The following MYO1E variants were observed in gnomAD, a reference collection of about 807,000 sequenced individuals.
MYO1E encodes the protein unconventional myosin-Ie.
A neutral mutation model predicts 151.1 loss-of-function variants in MYO1E; 68 were observed. The ratio of observed to expected loss-of-function variants is 0.45; its 90% CI spans 0.37 to 0.55. MYO1E has a LOEUF of 0.55. Ranked by LOEUF, MYO1E falls within the 20% of genes least tolerant of loss-of-function variation. MYO1E has a pLI of 0.00. For synonymous variants in MYO1E, 601 were observed against 501.7 expected, an observed-to-expected ratio of 1.20 and a Z score of -2.64; for missense variants, 1,363 against 1,389.3, an observed-to-expected ratio of 0.98 and a Z score of 0.30.
At chr15:59,252,689 TG>T (rs2080172005) in intron 4 of MYO1E, among the ~76,000 whole-genome samples, 1 of 146,556 alleles carries the variant, frequency 6.8e-6, no homozygotes, top group Non-Finnish European at 1.5e-5. Flanking sequence ...CACTCCAGCC[TG>T]GGCGACAGAG....
chr15:59,372,005 C>T (rs1200820860), intron 1 of MYO1E, among the ~76,000 whole-genome samples: 1 of 149,812 alleles, frequency 6.7e-6, no homozygotes, highest in Non-Finnish European at 1.5e-5. Context: ...GCTGCGGGCG[C>T]TGCCGGGCAG....
intron 1 of MYO1E, among the ~76,000 whole-genome samples, chr15:59,292,211 T>A (rs970794003): frequency 6.6e-6 from 1 of 152,180 alleles, no homozygotes; most frequent in Non-Finnish European, 1.5e-5. Context: ...AAGAAAAAAA[T>A]CTATGATAGT....
At chr15:59,240,157 A>G (rs1291875231) in intron 4 of MYO1E, among the ~76,000 whole-genome samples, 1 of 152,250 alleles carries the variant, frequency 6.6e-6, no homozygotes, top group Admixed American at 6.5e-5. Flanking sequence ...CTGGCAGTCT[A>G]TCAGAATCGT....
intron 17 of MYO1E, 148 bp from the exon 18 acceptor site, chr15:59,188,364 CCT>C: frequency 1.4e-6 from 1 of 708,960 alleles, no homozygotes; most frequent in Non-Finnish European, 2.6e-6. Context: ...ACTGAGCTGA[CCT>C]CTCAGATGAC....
chr15:59,223,704 C>T (rs774398445), intron 8 of MYO1E, among the ~76,000 whole-genome samples: 5 of 152,156 alleles, frequency 3.3e-5, no homozygotes, highest in Non-Finnish European at 7.4e-5. Flanking sequence ...GCAAAAGGAT[C>T]TTAATGAAAA....
intron 1 of MYO1E, among the ~76,000 whole-genome samples, chr15:59,293,975 A>C (rs1268383808): frequency 6.6e-6 from 1 of 152,058 alleles, no homozygotes; most frequent in African/African-American, 2.4e-5. Context: ...CTGAGAAGTC[A>C]AAGCTGCAGT....
chr15:59,216,684 A>G (rs1179447304), intron 10 of MYO1E, among the ~76,000 whole-genome samples: 7 of 6,890 alleles, frequency 1.0e-3, no homozygotes, highest in Admixed American at 1.9e-3. Context: ...ATATATATAT[A>G]TACACATACA....
chr15:59,184,284 G>A (rs2079682395), intron 18 of MYO1E, among the ~76,000 whole-genome samples: 1 of 152,160 alleles, frequency 6.6e-6, no homozygotes, highest in Admixed American at 6.5e-5. Context: ...TGGGATAACA[G>A]GTGGGAGCCA....
rs2079493862 is a variant in MYO1E at position 59,153,633 on chromosome 15, C to T, written c.3037G>A (p.Glu1013Lys). 6.2e-7 allele frequency: 1 copy of T among 1,614,182 alleles called. No individual in the cohort carries two copies. The highest frequency in any genetic ancestry group is 8.5e-7 in the Non-Finnish European group (1 of 1,180,028). Reference protein sequence around the residue: ...TSSDRVSQTPESLDFLKVPDQ... With the variant: ...TSSDRVSQTPKSLDFLKVPDQ... ...GGGACCTTGAGGAAATCCAGGCTCT[C>T]TGGCGTCTGTGACACTCGGTCTGAA... is the stretch of plus-strand genomic sequence containing the variant. The change falls in exon 26 of 28, where the codon GAG becomes AAG. Residue 1013 changes from glutamate to lysine, a missense_variant. Physicochemically the swap from Glu to Lys is moderately conservative, Grantham distance 56 (BLOSUM62 1). Transcript: ENST00000288235.
intron 1 of MYO1E, among the ~76,000 whole-genome samples, chr15:59,315,703 T>C (rs1220678590): frequency 2.6e-5 from 4 of 152,228 alleles, no homozygotes; most frequent in Admixed American, 1.3e-4. Flanking sequence ...TGAGCTCTTG[T>C]ATGTGCAATG....
In MYO1E at chr15:59,170,198, A is replaced by C. The variant is rs11629924; in HGVS notation, c.2480+1699T>G. Among the ~76,000 whole-genome samples the C allele has an allele frequency of 3.3e-3, 499 of 151,724 alleles. 1 individual carries two copies. Among genetic ancestry groups the C allele is most frequent in the Non-Finnish European group, 4.2e-3 (285 of 67,900 alleles). ...ACAAAACAAAACAAAACAACCACAC[A>C]AATGTAGCTCAATTAGGATAATTTA... On this transcript the variant is annotated intron_variant, in intron 22 of 27. Coordinates refer to ENST00000288235, the MANE Select transcript of MYO1E (RefSeq NM_004998.4).
At chr15:59,208,455 T>C (rs2079854991) in intron 14 of MYO1E, 1 of 619,310 alleles carries the variant, frequency 1.6e-6, no homozygotes, top group African/African-American at 1.8e-5. Flanking sequence ...TGTTCATTTA[T>C]ATGCTGTAAA....
intron 25 of MYO1E, among the ~76,000 whole-genome samples, chr15:59,157,803 T>C (rs1045885387): frequency 2.0e-5 from 3 of 152,360 alleles, no homozygotes; most frequent in East Asian, 1.9e-4. Flanking sequence ...TGGAAAAGTA[T>C]AGATAGGTTT....
chr15:59,285,732 TAAGAAAAAGAA>T lies in MYO1E; in HGVS notation c.4-13294_4-13284del, dbSNP rs1447673125. On this transcript the variant is annotated intron_variant, in intron 1 of 27. Coordinates refer to ENST00000288235, the MANE Select transcript of MYO1E (RefSeq NM_004998.4). ...TAAAAATAAAAGTGAAAAAAATTTT[TAAGAAAAAGAA>T]AAGAAAAAATTAAGTCAGCCTATTA... Among the ~76,000 whole-genome samples, 25 of 152,184 alleles carry T rather than the reference TAAGAAAAAGAA, an allele frequency of 1.6e-4. 1 individual carries two copies. Among genetic ancestry groups the T allele is most frequent in the Non-Finnish European group, 3.4e-4 (23 of 68,034 alleles).
At chr15:59,365,897 T>C (rs2080910132) in intron 1 of MYO1E, among the ~76,000 whole-genome samples, 1 of 152,220 alleles carries the variant, frequency 6.6e-6, no homozygotes, top group African/African-American at 2.4e-5. Flanking sequence ...ATACAAAGTC[T>C]GGTGAGTAAT....
intron 1 of MYO1E, among the ~76,000 whole-genome samples, chr15:59,365,160 C>T (rs1207797426): frequency 2.6e-5 from 4 of 151,600 alleles, no homozygotes; most frequent in African/African-American, 9.7e-5. Flanking sequence ...GCTGAGATTA[C>T]AGGTGCCTGC....
intron 1 of MYO1E, among the ~76,000 whole-genome samples, chr15:59,299,373 T>C (rs1052060591): frequency 1.3e-5 from 2 of 152,218 alleles, no homozygotes; most frequent in Non-Finnish European, 2.9e-5. Flanking sequence ...ATTTTTTAAA[T>C]AGCCGCCGCA....
intron 1 of MYO1E, among the ~76,000 whole-genome samples, chr15:59,360,858 T>G (rs1028104737): frequency 6.6e-6 from 1 of 152,154 alleles, no homozygotes; most frequent in African/African-American, 2.4e-5. Context: ...ATTCCCGCAA[T>G]GTAGGAAAGT....
Position 59,227,467 on chromosome 15 carries a change from A to G in MYO1E, c.634T>C (p.Phe212Leu), listed in dbSNP as rs1354260251. ...AAAGTAAACAGGAAAACCTGGTAAA[A>G]TATGTGAAAACTCCGCTCTCCTGGG... ...RNPGERSFHI[F>L]YQLIEGASAE... The change falls in exon 7 of 28, where the codon TTT (phenylalanine) becomes CTT (leucine). Residue 212 changes from phenylalanine (F) to leucine (L), a missense_variant. Transcript: ENST00000288235. 3 of 1,614,144 alleles carry G rather than the reference A, an allele frequency of 1.9e-6. No homozygotes were observed. The highest frequency in any genetic ancestry group is 2.2e-5 in the South Asian group (2 of 91,082).
Sources: gnomAD v4.1 joint callset for allele counts (sites outside exome capture counted in the v4.1 genomes callset) on GRCh38, gnomAD v4.1.1 for gene constraint, MANE v1.5 for transcripts, NCBI Gene and HGNC (gene_info 2026-07-23, HGNC 2026-07-21) for gene names.